Variants in AKAP6 observed in about 807,000 individuals in gnomAD.
AKAP6 encodes A-kinase anchor protein 6.
A neutral mutation model predicts 188.5 loss-of-function variants in AKAP6; 58 were observed. The observed-to-expected ratio is 0.31, with a 90% CI of 0.25 to 0.38. The LOEUF (loss-of-function observed/expected upper bound fraction) is 0.38. Among genes scored for constraint, AKAP6 ranks in the 10% least tolerant of loss-of-function variants. The pLI is 1.00. For missense variants in AKAP6, 2,710 were observed against 2,740.0 expected (o/e 0.99, Z 0.24); for synonymous variants, 989 against 998.6 (o/e 0.99, Z 0.18).
intron 11 of AKAP6, among the ~76,000 whole-genome samples, chr14:32,768,332 A>T (rs2032781598): frequency 6.6e-6 from 1 of 152,180 alleles, no homozygotes. Context: ...GCTTTCTGGG[A>T]GCAGAGTTTC....
At chr14:32,758,094 C>T (rs561576169) in intron 11 of AKAP6, among the ~76,000 whole-genome samples, 1 of 152,192 alleles carries the variant, frequency 6.6e-6, no homozygotes, top group Non-Finnish European at 1.5e-5. Context: ...TTTGCATGCC[C>T]TTTATAGTAT....
At chr14:32,721,795 A>G (rs1430869365) in intron 9 of AKAP6, among the ~76,000 whole-genome samples, 1 of 152,166 alleles carries the variant, frequency 6.6e-6, no homozygotes, top group Non-Finnish European at 1.5e-5. Flanking sequence ...TACCTGGGAT[A>G]ATGTAATTGT....
At chr14:32,530,907 A>C (rs1285585448) in intron 2 of AKAP6, among the ~76,000 whole-genome samples, 4 of 152,148 alleles carry the variant, frequency 2.6e-5, no homozygotes. Context: ...AAAACAAAAA[A>C]CAAAAAAACC....
At chr14:32,527,372 CCTTGGTTGCTTCCAAGTTGTGGCAATT>C (rs1174217025) in intron 2 of AKAP6, among the ~76,000 whole-genome samples, 1 of 39,934 alleles carries the variant, frequency 2.5e-5, no homozygotes, top group Non-Finnish European at 4.7e-5. Context: ...TTTTGGCAAT[CCTTGGTTGCTTCCAAGTTGTGGCAATT>C]ATGAATAAAG....
At chr14:32,541,433 A>G (rs368774787) in intron 3 of AKAP6, among the ~76,000 whole-genome samples, 2 of 152,096 alleles carry the variant, frequency 1.3e-5, no homozygotes, top group African/African-American at 4.8e-5. Context: ...TGCAATAACC[A>G]CCAGAATGGG....
intron 2 of AKAP6, among the ~76,000 whole-genome samples, chr14:32,443,682 G>A (rs955906333): frequency 6.6e-6 from 1 of 152,116 alleles, no homozygotes; most frequent in South Asian, 2.1e-4. Context: ...CCTCAGGAGC[G>A]AGGGCTTCCA....
chr14:32,749,368 G>A (rs2032037600), intron 11 of AKAP6, among the ~76,000 whole-genome samples: 2 of 152,278 alleles, frequency 1.3e-5, no homozygotes, highest in South Asian at 4.2e-4. Flanking sequence ...TCAGCCAATA[G>A]CCAATTCTGT....
chr14:32,818,330 C>T (rs1034376317), intron 12 of AKAP6, among the ~76,000 whole-genome samples: 1 of 151,780 alleles, frequency 6.6e-6, no homozygotes, highest in Non-Finnish European at 1.5e-5. Context: ...TGTTCCTTCC[C>T]CACCACACAC....
chr14:32,433,966 G>A (rs1168576825), intron 2 of AKAP6, 149 bp downstream of exon 2: 2 of 695,606 alleles, frequency 2.9e-6, no homozygotes, highest in Non-Finnish European at 4.6e-6. Flanking sequence ...AGATAAACAT[G>A]GAAATAATTA....
At chr14:32,591,471 CAA>C (rs71432067) in intron 5 of AKAP6, among the ~76,000 whole-genome samples, 105 of 128,392 alleles carry the variant, frequency 8.2e-4, no homozygotes, top group Admixed American at 1.0e-3. Context: ...TACTTTGCAC[CAA>C]AAAAAAAAAA....
rs549384959 is a variant in AKAP6, at chr14:32,448,934, A to G, written c.324+15117A>G. Among the ~76,000 whole-genome samples, 79 of 152,310 alleles carry G rather than the reference A, an allele frequency of 5.2e-4. 2 individuals carry two copies. Among genetic ancestry groups the G allele is most frequent in the Middle Eastern group, 6.8e-3 (2 of 294 alleles). ...TTAGCAATGCATACTTGATTCTACAATCTTGATTCTACAATGTTTAGTAAA... is the reference window on the plus strand; with the variant it reads ...TTAGCAATGCATACTTGATTCTACAGTCTTGATTCTACAATGTTTAGTAAA... On this transcript the variant is annotated intron_variant, in intron 2 of 13. Transcript: ENST00000280979.
intron 1 of AKAP6, among the ~76,000 whole-genome samples, chr14:32,397,377 C>CTTTTTTT (rs60314050): frequency 7.7e-6 from 1 of 130,342 alleles, no homozygotes; most frequent in African/African-American, 2.9e-5. Flanking sequence ...TTTTTATTGT[C>CTTTTTTT]TTTTTTTTTT....
chr14:32,527,022 C>G (rs557437753), intron 2 of AKAP6, among the ~76,000 whole-genome samples: 39 of 152,114 alleles, frequency 2.6e-4, no homozygotes, highest in Non-Finnish European at 3.8e-4. Flanking sequence ...CTTGTACATT[C>G]TATAGATTTT....
intron 9 of AKAP6, among the ~76,000 whole-genome samples, chr14:32,720,114 G>A (rs775491279): frequency 6.6e-6 from 1 of 152,034 alleles, no homozygotes; most frequent in Non-Finnish European, 1.5e-5. Flanking sequence ...TCCTTTGATT[G>A]TATATTAAAA....
At chr14:32,517,971 A>AG (rs756494096) in intron 2 of AKAP6, among the ~76,000 whole-genome samples, 9 of 152,184 alleles carry the variant, frequency 5.9e-5, no homozygotes, top group Non-Finnish European at 1.2e-4. Context: ...CACCTCATAC[A>AG]GCTGGGTGCC....
chr14:32,599,343 A>G, intron 5 of AKAP6, 67 bp from the exon 6 acceptor site: 1 of 1,347,644 alleles, frequency 7.4e-7, no homozygotes, highest in Non-Finnish European at 1.0e-6. Context: ...AGTAGCAAGT[A>G]ATTTTATATG....
chr14:32,584,822 T>C (rs1885155570), intron 5 of AKAP6, among the ~76,000 whole-genome samples: 1 of 152,238 alleles, frequency 6.6e-6, no homozygotes, highest in African/African-American at 2.4e-5. Flanking sequence ...TATCAATTAT[T>C]AATTCTCTTG....
chr14:32,408,648 A>C (rs1275448131), intron 1 of AKAP6, among the ~76,000 whole-genome samples: 1 of 151,974 alleles, frequency 6.6e-6, no homozygotes. Context: ...GTGTGACCTG[A>C]CCTTAGTCTG....
intron 4 of AKAP6, among the ~76,000 whole-genome samples, chr14:32,550,023 G>T (rs1883383224): frequency 6.6e-6 from 1 of 152,212 alleles, no homozygotes; most frequent in Non-Finnish European, 1.5e-5. Context: ...CCAGAAAACT[G>T]GTTCTAGACC....
Sources: allele counts gnomAD v4.1 joint callset (sites outside exome capture counted in the v4.1 genomes callset), GRCh38; gene constraint gnomAD v4.1.1; transcripts MANE v1.5; gene names NCBI Gene and HGNC (gene_info 2026-07-23, HGNC 2026-07-21).